The following RSU1 variants were observed in gnomAD, a reference collection of about 807,000 sequenced individuals.
RSU1 encodes the protein Ras suppressor protein 1.
In RSU1, 26 loss-of-function variants were observed where a neutral mutation model predicts 31.1. The ratio of observed to expected loss-of-function variants is 0.84; its 90% confidence interval spans 0.61 to 1.16. The LOEUF (loss-of-function observed/expected upper bound fraction) is 1.16. RSU1 is among the 50% of genes most tolerant of loss of function. RSU1 has a pLI of 0.00. For synonymous variants in RSU1, 164 were observed against 136.3 expected, an observed-to-expected ratio of 1.20 and a Z score of -1.41; for missense variants, 320 against 339.1, an observed-to-expected ratio of 0.94 and a Z score of 0.44.
chr10:16,766,142 A>G (rs997328146), intron 3 of RSU1, among the ~76,000 whole-genome samples: 2 of 152,254 alleles, frequency 1.3e-5, no homozygotes, highest in African/African-American at 2.4e-5. Flanking sequence ...TGAAGAATAC[A>G]GATTACTCTG....
intron 2 of RSU1, among the ~76,000 whole-genome samples, chr10:16,810,944 C>T (rs185760660): frequency 1.7e-4 from 26 of 152,172 alleles, no homozygotes; most frequent in Admixed American, 3.3e-4. Context: ...ATCACTTGAG[C>T]CCAGGAAGCC....
intron 8 of RSU1, among the ~76,000 whole-genome samples, chr10:16,632,768 G>A (rs949629438): frequency 2.0e-5 from 3 of 151,932 alleles, no homozygotes; most frequent in Non-Finnish European, 2.9e-5. Flanking sequence ...GCAAAACCTC[G>A]TCTCTACCAA....
At chr10:16,601,589 C>T (rs1833715149) in intron 8 of RSU1, among the ~76,000 whole-genome samples, 1 of 152,140 alleles carries the variant, frequency 6.6e-6, no homozygotes, top group African/African-American at 2.4e-5. Flanking sequence ...GGTGACTTCC[C>T]TTCCCAGTGT....
In RSU1 at chr10:16,701,621, C is replaced by T. The variant is rs914642263; in HGVS notation, c.599-6466G>A. Among the ~76,000 whole-genome samples the T allele has an allele frequency of 1.1e-3, 171 of 152,250 alleles. 1 individual carries two copies. The highest frequency in any genetic ancestry group is 2.0e-3 in the Non-Finnish European group (139 of 68,024). ...CGGGGAAGATAGTACAACTTACACACACACACACACACAAAAAGATTTAAA... is the reference window on the plus strand; with the variant it reads ...CGGGGAAGATAGTACAACTTACACATACACACACACACAAAAAGATTTAAA... On this transcript the variant is annotated intron_variant, in intron 7 of 8. Coordinates refer to ENST00000345264, the MANE Select transcript of RSU1 (RefSeq NM_012425.4).
chr10:16,665,416 C>T (rs1276044491), intron 8 of RSU1, among the ~76,000 whole-genome samples: 2 of 152,164 alleles, frequency 1.3e-5, no homozygotes, highest in Non-Finnish European at 2.9e-5. Flanking sequence ...AGTCTGACTC[C>T]AGAACCCACC....
Position 16,746,673 on chromosome 10 carries a change from T to A in RSU1, c.598+5866A>T, listed in dbSNP as rs1481606242. ...CACCAGCTCCCAAATCACTTTTTTT[T>A]TTTTTTTTTTTTTTTCCTGGGGCTG... On this transcript the variant is annotated intron_variant, in intron 7 of 8. Transcript: ENST00000345264. Among the ~76,000 whole-genome samples, 396 of 115,266 alleles carry A rather than the reference T, an allele frequency of 3.4e-3. 4 individuals carry two copies. The highest frequency in any genetic ancestry group is 0.014 in the African/African-American group (370 of 26,760). 75.6% of individuals were successfully genotyped at this position (115,266 alleles called of 152,430 possible).
At chr10:16,681,251 TTC>T (rs1835323576) in intron 8 of RSU1, among the ~76,000 whole-genome samples, 1 of 152,234 alleles carries the variant, frequency 6.6e-6, no homozygotes, top group Admixed American at 6.5e-5. Flanking sequence ...TGCTCGTTGT[TTC>T]TCTGATTTAT....
At chr10:16,638,309 C>T (rs142795665) in intron 8 of RSU1, among the ~76,000 whole-genome samples, 146 of 151,962 alleles carry the variant, frequency 9.6e-4, no homozygotes, top group Non-Finnish European at 1.7e-3. Context: ...TTTTTTCGCG[C>T]GCATGTGTGT....
At chr10:16,788,684 C>G (rs1837849297) in intron 2 of RSU1, among the ~76,000 whole-genome samples, 1 of 152,218 alleles carries the variant, frequency 6.6e-6, no homozygotes. Flanking sequence ...TCCAAGACGA[C>G]AGCCTGAGCT....
At chr10:16,766,740 G>A (rs1392542348) in intron 3 of RSU1, among the ~76,000 whole-genome samples, 1 of 151,536 alleles carries the variant, frequency 6.6e-6, no homozygotes, top group Non-Finnish European at 1.5e-5. Flanking sequence ...TTGGCCTGGT[G>A]TGGTAGCTCA....
At chr10:16,660,892 C>T (rs1834877212) in intron 8 of RSU1, among the ~76,000 whole-genome samples, 1 of 152,016 alleles carries the variant, frequency 6.6e-6, no homozygotes, top group Non-Finnish European at 1.5e-5. Flanking sequence ...AGTGATCCAC[C>T]CACTGCAAAC....
At chr10:16,650,124 C>T (rs967572801) in intron 8 of RSU1, among the ~76,000 whole-genome samples, 2 of 152,130 alleles carry the variant, frequency 1.3e-5, no homozygotes, top group Admixed American at 1.3e-4. Context: ...AATGGAATCA[C>T]GCTAACAGAA....
At chr10:16,622,745 T>C (rs527616178) in intron 8 of RSU1, among the ~76,000 whole-genome samples, 1 of 152,240 alleles carries the variant, frequency 6.6e-6, no homozygotes, top group Non-Finnish European at 1.5e-5. Context: ...TAAGGATCCT[T>C]GCCCTTGAGG....
chr10:16,788,774 T>G (rs528107108), intron 2 of RSU1, among the ~76,000 whole-genome samples: 1 of 152,314 alleles, frequency 6.6e-6, no homozygotes, highest in East Asian at 1.9e-4. Flanking sequence ...TCCAAGAAGT[T>G]GTACAAGGTA....
chr10:16,597,532 T>G (rs772555993), intron 8 of RSU1, among the ~76,000 whole-genome samples: 2 of 152,184 alleles, frequency 1.3e-5, no homozygotes, highest in Non-Finnish European at 2.9e-5. Context: ...TTTCTTTATC[T>G]GTAAGCTAGA....
intron 2 of RSU1, among the ~76,000 whole-genome samples, chr10:16,816,240 CAT>C (rs72200487): frequency 0.026 from 3,949 of 152,294 alleles, 58 homozygotes; most frequent in Non-Finnish European, 0.038. Flanking sequence ...CCTATGGTGA[CAT>C]GTGTCTGAGT....
At chr10:16,631,340 C>T (rs1834243758) in intron 8 of RSU1, among the ~76,000 whole-genome samples, 1 of 152,218 alleles carries the variant, frequency 6.6e-6, no homozygotes, top group Non-Finnish European at 1.5e-5. Flanking sequence ...CGCACTGGCA[C>T]TGGGGCCTGT....
chr10:16,681,317 A>G (rs1314966142), intron 8 of RSU1, among the ~76,000 whole-genome samples: 1 of 152,216 alleles, frequency 6.6e-6, no homozygotes, highest in Non-Finnish European at 1.5e-5. Flanking sequence ...TCTGGTGCTG[A>G]CTACACTGAT....
chr10:16,721,970 G>A (rs1390878476), intron 7 of RSU1, among the ~76,000 whole-genome samples: 4 of 152,214 alleles, frequency 2.6e-5, no homozygotes, highest in Non-Finnish European at 4.4e-5. Flanking sequence ...AATTACTACC[G>A]TGACTATTGC....
Sources: gnomAD v4.1 joint callset for allele counts (sites outside exome capture counted in the v4.1 genomes callset) on GRCh38, gnomAD v4.1.1 for gene constraint, MANE v1.5 for transcripts, NCBI Gene and HGNC (gene_info 2026-07-23, HGNC 2026-07-21) for gene names.